Variants in DENND2B observed in about 807,000 individuals in gnomAD.
DENND2B encodes DENN domain-containing protein 2B.
A neutral mutation model predicts 116.0 loss-of-function variants in DENND2B; 32 were observed. The ratio of observed to expected loss-of-function variants is 0.28; its 90% CI spans 0.21 to 0.37. DENND2B has a LOEUF of 0.37. Among genes scored for constraint, DENND2B ranks in the 10% least tolerant of loss-of-function variants. DENND2B has a pLI of 1.00. For missense variants in DENND2B, 1,276 were observed against 1,477.7 expected (o/e 0.86, Z 2.24); for synonymous variants, 588 against 583.9 (o/e 1.01, Z -0.10).
chr11:8,752,148 TA>T (rs942383995), intron 1 of DENND2B, among the ~76,000 whole-genome samples: 1 of 151,566 alleles, frequency 6.6e-6, no homozygotes, highest in African/African-American at 2.4e-5. Flanking sequence ...GTAAGTGGAA[TA>T]AAAAAAAATT....
rs2063029816 is a variant in DENND2B at position 8,852,131 on chromosome 11, C to T, written c.-156+5212G>A. Among the ~76,000 whole-genome samples, 4 of 152,160 alleles carry T rather than the reference C, an allele frequency of 2.6e-5. 1 individual carries two copies. In the South Asian group the frequency reaches 8.3e-4, roughly 31 times the overall value. On this transcript the variant is annotated intron_variant, in intron 3 of 6. Transcript: ENST00000524757. ...TTGCCAAAGAATAAAGTGAGGAGGG[C>T]AAGAGACTATCAAGTGCAAAAAATG... is the stretch of plus-strand genomic sequence containing the variant.
At chr11:8,893,899 G>T (rs2742529) in intron 1 of DENND2B, among the ~76,000 whole-genome samples, 136,320 of 151,760 alleles carry the variant, frequency 0.9, 63,009 homozygotes, top group East Asian at 1. Context: ...AAAAACTACT[G>T]TAAAGTTCAT....
chr11:8,853,020 T>G (rs2063063720), intron 3 of DENND2B, among the ~76,000 whole-genome samples: 1 of 151,752 alleles, frequency 6.6e-6, no homozygotes, highest in South Asian at 2.1e-4. Flanking sequence ...CTTTGGGAGG[T>G]GATTAGATCA....
chr11:8,843,180 C>T (rs2062685349), intron 3 of DENND2B, among the ~76,000 whole-genome samples: 1 of 152,162 alleles, frequency 6.6e-6, no homozygotes, highest in Non-Finnish European at 1.5e-5. Flanking sequence ...CCACGCCTGG[C>T]TAATTTTTGT....
At chr11:8,807,043 A>G (rs370611397) in intron 1 of DENND2B, among the ~76,000 whole-genome samples, 3 of 151,740 alleles carry the variant, frequency 2.0e-5, no homozygotes, top group East Asian at 3.9e-4. Flanking sequence ...CCTGCCCTAA[A>G]CACACCCTCC....
At chr11:8,799,393 A>G (rs1287959518) in intron 1 of DENND2B, among the ~76,000 whole-genome samples, 1 of 152,110 alleles carries the variant, frequency 6.6e-6, no homozygotes, top group Non-Finnish European at 1.5e-5. Context: ...AGAACATAAG[A>G]AACTTCAGTA....
chr11:8,718,682 G>T, intron 4 of DENND2B: 1 of 1,211,320 alleles, frequency 8.3e-7, no homozygotes, highest in Non-Finnish European at 1.0e-6. Flanking sequence ...TGGGCCAAAG[G>T]GTGGGGGTGA....
intron 4 of DENND2B, among the ~76,000 whole-genome samples, chr11:8,822,788 T>A (rs2061815321): frequency 1.3e-5 from 2 of 152,254 alleles, no homozygotes; most frequent in African/African-American, 4.8e-5. Context: ...TAATTACATA[T>A]AATCTCTTCT....
At chr11:8,836,778 G>A (rs761966097) in intron 4 of DENND2B, among the ~76,000 whole-genome samples, 8 of 152,094 alleles carry the variant, frequency 5.3e-5, no homozygotes, top group African/African-American at 1.4e-4. Flanking sequence ...GCAGTGGCAC[G>A]ATCTCAGCTC....
chr11:8,803,498 C>G (rs970329756), intron 1 of DENND2B, among the ~76,000 whole-genome samples: 2 of 152,198 alleles, frequency 1.3e-5, no homozygotes, highest in Non-Finnish European at 2.9e-5. Context: ...GATCACCCAG[C>G]AAATTAGAGA....
chr11:8,725,960 A>C (rs1261346913), intron 4 of DENND2B, 113 bp downstream of exon 4: 1 of 1,493,608 alleles, frequency 6.7e-7, no homozygotes, highest in Non-Finnish European at 9.2e-7. Context: ...GAGTTCCAGA[A>C]GGTGGGACCA....
upstream of DENND2B, chr11:8,811,170 G>C (rs1239486502): frequency 5.0e-5 from 20 of 397,338 alleles, no homozygotes; most frequent in Non-Finnish European, 8.9e-5. Context: ...TGTGCACTTG[G>C]GATTTTTCCG....
chr11:8,797,066 A>C lies in DENND2B; in HGVS notation c.-26+13451T>G, dbSNP rs191873743. ...TAACCAAAGAAGAGCTGCATTTGAT[A>C]TACCAACCAGAGTGGAAGTGTGGCA... On this transcript the variant is annotated intron_variant, in intron 1 of 19. Transcript: ENST00000313726. 1.7e-3 allele frequency among the ~76,000 whole-genome samples: 257 copies of C among 152,370 alleles called. 1 individual carries two copies. Among genetic ancestry groups the C allele is most frequent in the African/African-American group, 5.6e-3 (234 of 41,602 alleles).
intron 4 of DENND2B, among the ~76,000 whole-genome samples, chr11:8,832,952 A>G (rs773521491): frequency 3.0e-4 from 46 of 152,256 alleles, no homozygotes; most frequent in Non-Finnish European, 5.9e-4. Flanking sequence ...ATCCAGTCAC[A>G]GGGGAGCCCA....
intron 1 of DENND2B, among the ~76,000 whole-genome samples, chr11:8,889,615 G>A (rs912804300): frequency 6.6e-6 from 1 of 152,202 alleles, no homozygotes; most frequent in Non-Finnish European, 1.5e-5. Flanking sequence ...TGGCTCGGAG[G>A]GTCCCATGTC....
intron 1 of DENND2B, among the ~76,000 whole-genome samples, chr11:8,778,125 C>CAATG (rs1470430510): frequency 6.6e-6 from 1 of 152,208 alleles, no homozygotes; most frequent in East Asian, 1.9e-4. Context: ...TAACGGGGAT[C>CAATG]AATGAGTCAA....
At chr11:8,765,363 C>T (rs1208403910) in intron 1 of DENND2B, among the ~76,000 whole-genome samples, 1 of 152,214 alleles carries the variant, frequency 6.6e-6, no homozygotes, top group Non-Finnish European at 1.5e-5. Flanking sequence ...CCATGATGAA[C>T]TCACAGGGAT....
At chr11:8,836,955 ATCTG>A (rs1334479441) in intron 4 of DENND2B, among the ~76,000 whole-genome samples, 2 of 152,178 alleles carry the variant, frequency 1.3e-5, no homozygotes, top group African/African-American at 4.8e-5. Context: ...GGATCAAGTG[ATCTG>A]TCTGTCTTAG....
At chr11:8,764,803 G>A (rs1185442954) in intron 1 of DENND2B, among the ~76,000 whole-genome samples, 2 of 151,952 alleles carry the variant, frequency 1.3e-5, no homozygotes, top group Admixed American at 1.3e-4. Flanking sequence ...AAATTAGCTG[G>A]GCGTTGTGGT....
Sources: gnomAD v4.1 joint callset for allele counts (sites outside exome capture counted in the v4.1 genomes callset) on GRCh38, gnomAD v4.1.1 for gene constraint, MANE v1.5 for transcripts, NCBI Gene and HGNC (gene_info 2026-07-23, HGNC 2026-07-21) for gene names.